PPFIBP1: variants seen among roughly 807,000 people sequenced by gnomAD.
The protein encoded by PPFIBP1 is liprin-beta-1.
PPFIBP1 carries 112 observed loss-of-function variants against 137.8 expected under a neutral mutation model. That is an observed-to-expected ratio of 0.81 (90% CI 0.70 to 0.95). The LOEUF is 0.95. Among genes scored for constraint, PPFIBP1 ranks in the 40% least tolerant of loss-of-function variants. PPFIBP1 has a pLI of 0.00. For missense variants in PPFIBP1, 1,083 were observed against 1,196.6 expected (o/e 0.91, Z 1.40); for synonymous variants, 378 against 417.3 (o/e 0.91, Z 1.15).
intron 2 of PPFIBP1, among the ~76,000 whole-genome samples, chr12:27,581,981 C>CGTGT (rs971510071): frequency 7.0e-6 from 1 of 142,660 alleles, no homozygotes; most frequent in Non-Finnish European, 1.5e-5. Flanking sequence ...TGTGTGTGTA[C>CGTGT]GTATGTGTGT....
intron 1 of PPFIBP1, among the ~76,000 whole-genome samples, chr12:27,557,446 A>G (rs761371687): frequency 7.2e-5 from 11 of 152,090 alleles, no homozygotes; most frequent in Admixed American, 2.6e-4. Context: ...CATGTTAGCC[A>G]GGATGGTCTC....
At chr12:27,642,947 A>G (rs1211418148) in intron 4 of PPFIBP1, among the ~76,000 whole-genome samples, 1 of 152,016 alleles carries the variant, frequency 6.6e-6, no homozygotes, top group Admixed American at 6.6e-5. Context: ...GAGGTAATAT[A>G]TATTATACTA....
chr12:27,686,033 T>G (rs1220486516), intron 24 of PPFIBP1, among the ~76,000 whole-genome samples: 1 of 152,192 alleles, frequency 6.6e-6, no homozygotes, highest in African/African-American at 2.4e-5. Context: ...AGATATTTTT[T>G]TAAGCTGACA....
chr12:27,666,246 A>G (rs1423066824), intron 12 of PPFIBP1, among the ~76,000 whole-genome samples: 1 of 152,240 alleles, frequency 6.6e-6, no homozygotes, highest in Non-Finnish European at 1.5e-5. Context: ...AATGTACAGC[A>G]GCACAGATTT....
chr12:27,619,298 A>G (rs4931202), intron 2 of PPFIBP1, among the ~76,000 whole-genome samples: 43,869 of 152,080 alleles, frequency 0.29, 6,641 homozygotes, highest in South Asian at 0.42. Flanking sequence ...ATAACACCCA[A>G]TACAATATAA....
intron 2 of PPFIBP1, among the ~76,000 whole-genome samples, chr12:27,582,502 G>A (rs2051240676): frequency 6.6e-6 from 1 of 152,154 alleles, no homozygotes; most frequent in Admixed American, 6.5e-5. Context: ...GTAGAGAAAT[G>A]GGGGAAGGCA....
At chr12:27,647,442 A>T (rs563983187) in intron 5 of PPFIBP1, among the ~76,000 whole-genome samples, 1 of 152,212 alleles carries the variant, frequency 6.6e-6, no homozygotes, top group Non-Finnish European at 1.5e-5. Flanking sequence ...TAACTTCTGT[A>T]CATGCTGTCT....
chr12:27,554,078 G>A (rs1947047427), intron 1 of PPFIBP1, among the ~76,000 whole-genome samples: 1 of 152,206 alleles, frequency 6.6e-6, no homozygotes, highest in South Asian at 2.1e-4. Flanking sequence ...GGTTAACACT[G>A]AGTGCTTAGA....
rs926145231 is a variant in PPFIBP1 at position 27,554,233 on chromosome 12, A to G, written c.-123-23919A>G. ...GCAGTTACACTCATCCCAACATCCCAATTATTCCTAACTTAAATGTTGCCA... is the reference window on the plus strand; with the variant it reads ...GCAGTTACACTCATCCCAACATCCCGATTATTCCTAACTTAAATGTTGCCA... On this transcript the variant is annotated intron_variant, in intron 1 of 29. Coordinates refer to ENST00000228425, the MANE Select transcript of PPFIBP1 (RefSeq NM_003622.4). Among the ~76,000 whole-genome samples, 5 of 152,186 alleles carry G rather than the reference A, an allele frequency of 3.3e-5. No homozygotes were observed. In the East Asian group the frequency reaches 7.7e-4, roughly 23 times the overall value.
chr12:27,692,726 T>C, intron 29 of PPFIBP1, 70 bp downstream of exon 29: 1 of 1,613,860 alleles, frequency 6.2e-7, no homozygotes, highest in Middle Eastern at 1.7e-4. Context: ...AAGGACCACA[T>C]GTCTCTTGGA....
chr12:27,661,968 T>C (rs753970836), intron 11 of PPFIBP1, among the ~76,000 whole-genome samples: 7 of 152,218 alleles, frequency 4.6e-5, no homozygotes, highest in Non-Finnish European at 7.3e-5. Context: ...TATTTTTTTT[T>C]AAATCACTGA....
chr12:27,688,955 A>T, intron 26 of PPFIBP1, 60 bp from the exon 27 acceptor site: 1 of 1,537,494 alleles, frequency 6.5e-7, no homozygotes, highest in Non-Finnish European at 8.8e-7. Context: ...ATAAAGCACA[A>T]TACAAACATG....
At chr12:27,569,124 C>T (rs1340250510) in intron 1 of PPFIBP1, among the ~76,000 whole-genome samples, 1 of 152,168 alleles carries the variant, frequency 6.6e-6, no homozygotes, top group Non-Finnish European at 1.5e-5. Flanking sequence ...CCAAATTCAT[C>T]CTCTGGTGTG....
intron 2 of PPFIBP1, among the ~76,000 whole-genome samples, chr12:27,595,251 AACAC>A (rs571543688): frequency 9.2e-5 from 14 of 152,130 alleles, no homozygotes; most frequent in African/African-American, 2.7e-4. Flanking sequence ...CGCGCGCACA[AACAC>A]ACACACGCGC....
chr12:27,689,182 A>T lies in PPFIBP1; in HGVS notation c.2664A>T (p.Leu888=), dbSNP rs2061370895. ...DAMELPDYVL[L]TATAKVKPKK... Reference sequence around the variant, plus strand: ...TGGAGCTGCCGGATTATGTACTTCTAACAGCTACTGCCAAAGTGAAGGTTG... The same window carrying T: ...TGGAGCTGCCGGATTATGTACTTCTTACAGCTACTGCCAAAGTGAAGGTTG... Residue 888 remains leucine, a synonymous_variant, in exon 27 of 30, where the codon CTA becomes CTT. Coordinates refer to ENST00000228425, the MANE Select transcript of PPFIBP1 (RefSeq NM_003622.4). 6.3e-7 allele frequency: 1 copy of T among 1,575,146 alleles called. No individual in the cohort carries two copies. Among genetic ancestry groups the T allele is most frequent in the South Asian group, 1.2e-5 (1 of 83,926 alleles).
At chr12:27,643,955 T>C (rs2058288148) in intron 4 of PPFIBP1, among the ~76,000 whole-genome samples, 1 of 147,596 alleles carries the variant, frequency 6.8e-6, no homozygotes, top group African/African-American at 2.5e-5. Context: ...TCTGTTTCTA[T>C]TTGGGGCTAA....
chr12:27,642,406 G>A (rs914401330), intron 4 of PPFIBP1, among the ~76,000 whole-genome samples: 1 of 152,204 alleles, frequency 6.6e-6, no homozygotes, highest in South Asian at 2.1e-4. Flanking sequence ...AAGTCAGATC[G>A]ACTCAACAAG....
At chr12:27,595,810 C>A (rs570450638) in intron 2 of PPFIBP1, among the ~76,000 whole-genome samples, 1 of 150,708 alleles carries the variant, frequency 6.6e-6, no homozygotes, top group African/African-American at 2.4e-5. Context: ...GCGGAGATAG[C>A]GCCATTGCAC....
chr12:27,598,035 C>T lies in PPFIBP1; in HGVS notation c.-36+19796C>T, dbSNP rs572906502. ...AGCCAGGCTGGTGTCAAACTCCTGA[C>T]CTCAGGCGATCCACCCACCTCAGCC... On this transcript the variant is annotated intron_variant, in intron 2 of 29. Transcript: ENST00000228425. 3.3e-5 allele frequency among the ~76,000 whole-genome samples: 5 copies of T among 152,156 alleles called. No homozygotes were observed. In the South Asian group the frequency reaches 8.3e-4, roughly 25 times the overall value.
Sources: allele counts gnomAD v4.1 joint callset (sites outside exome capture counted in the v4.1 genomes callset), GRCh38; gene constraint gnomAD v4.1.1; transcripts MANE v1.5; gene names NCBI Gene and HGNC (gene_info 2026-07-23, HGNC 2026-07-21).